The following ZNF790 variants were observed in gnomAD, a reference collection of about 807,000 sequenced individuals.
The protein encoded by ZNF790 is zinc finger protein 790.
A neutral mutation model predicts 12.1 loss-of-function variants in ZNF790; 8 were observed. That is an observed-to-expected ratio of 0.66 (90% CI 0.39 to 1.19). The LOEUF is 1.19. Among genes scored for constraint, ZNF790 ranks in the 50% most tolerant of loss-of-function variants. ZNF790 has a pLI of 0.01. For missense variants in ZNF790, 707 were observed against 752.2 expected, an observed-to-expected ratio of 0.94 and a Z score of 0.70; for synonymous variants, 252 against 244.3, an observed-to-expected ratio of 1.03 and a Z score of -0.29.
intron 1 of ZNF790, among the ~76,000 whole-genome samples, chr19:36,846,424 G>A (rs962148657): frequency 6.6e-6 from 1 of 152,148 alleles, no homozygotes; most frequent in African/African-American, 2.4e-5. Context: ...AATTAGCCGG[G>A]CATGGTGGCA....
At chr19:36,848,887 G>C (rs191606534) in intron 1 of ZNF790, among the ~76,000 whole-genome samples, 1 of 152,080 alleles carries the variant, frequency 6.6e-6, no homozygotes. Context: ...TCTGTCTGCC[G>C]GGTTCAAGCC....
intron 1 of ZNF790, among the ~76,000 whole-genome samples, chr19:36,832,022 A>G (rs1600664430): frequency 6.6e-6 from 1 of 152,166 alleles, no homozygotes. Context: ...CTTCCAATAT[A>G]CTTGTGAAAA....
Position 36,819,986 on chromosome 19 carries a change from C to G in ZNF790, c.358G>C (p.Asp120His). The G allele has an allele frequency of 1.2e-6, 2 of 1,614,054 alleles. No homozygotes were observed. The highest frequency in any genetic ancestry group is 1.3e-5 in the African/African-American group (1 of 75,030). Residue 120 changes from aspartate to histidine, a missense_variant, in exon 5 of 5, where the codon GAC becomes CAC. By Grantham distance (81) the Asp-to-His change is moderately conservative. Coordinates refer to ENST00000356725, the MANE Select transcript of ZNF790 (RefSeq NM_206894.4). ...HSLDCLCFRGDWEGNTQFQTL... is the reference protein window; with the variant it reads ...HSLDCLCFRGHWEGNTQFQTL... Reference sequence around the variant, plus strand: ...TGAAACTGAGTGTTGCCTTCCCAGTCACCTCTAAAACATAAACAGTCAAGG... The same window carrying G: ...TGAAACTGAGTGTTGCCTTCCCAGTGACCTCTAAAACATAAACAGTCAAGG...
intron 1 of ZNF790, among the ~76,000 whole-genome samples, chr19:36,836,665 G>A (rs1358708125): frequency 6.7e-6 from 1 of 148,860 alleles, no homozygotes; most frequent in Non-Finnish European, 1.5e-5. Flanking sequence ...GCTGAGGCAG[G>A]AGAATCCACT....
At chr19:36,823,209 G>A in intron 4 of ZNF790, 76 bp downstream of exon 4, 4 of 1,307,980 alleles carry the variant, frequency 3.1e-6, no homozygotes, top group Admixed American at 1.8e-5. Flanking sequence ...TATTTCAGAG[G>A]TGTTGCTGCC....
intron 1 of ZNF790, among the ~76,000 whole-genome samples, chr19:36,835,620 A>G (rs1221298100): frequency 6.6e-6 from 1 of 152,168 alleles, no homozygotes; most frequent in Non-Finnish European, 1.5e-5. Context: ...AGTGGCTTAA[A>G]ATAATACAAA....
intron 1 of ZNF790, among the ~76,000 whole-genome samples, chr19:36,846,817 T>C (rs1325529927): frequency 6.6e-6 from 1 of 152,212 alleles, no homozygotes; most frequent in Non-Finnish European, 1.5e-5. Flanking sequence ...CTTGATGCTC[T>C]GGCATTTGGG....
intron 1 of ZNF790, among the ~76,000 whole-genome samples, chr19:36,828,546 A>G (rs1324559771): frequency 6.6e-6 from 1 of 152,012 alleles, no homozygotes; most frequent in Non-Finnish European, 1.5e-5. Context: ...GTGCAATCAC[A>G]GTTTACTGTT....
chr19:36,820,140 C>A (rs771415329), intron 4 of ZNF790, 26 bp from the exon 5 acceptor site: 3 of 1,582,214 alleles, frequency 1.9e-6, no homozygotes, highest in Middle Eastern at 3.4e-4. Context: ...GTAAAAACAT[C>A]ATACGGTTGT....
At chr19:36,826,561 G>A (rs1051505697) in intron 1 of ZNF790, among the ~76,000 whole-genome samples, 1 of 145,892 alleles carries the variant, frequency 6.9e-6, no homozygotes, top group Non-Finnish European at 1.5e-5. Flanking sequence ...CCAGCCTGGC[G>A]ACACAGCGAG....
chr19:36,836,301 T>C (rs1177660136), intron 1 of ZNF790, among the ~76,000 whole-genome samples: 2 of 152,092 alleles, frequency 1.3e-5, no homozygotes, highest in Non-Finnish European at 2.9e-5. Flanking sequence ...TAGTCTAAGA[T>C]GAAAGTTTGC....
intron 1 of ZNF790, among the ~76,000 whole-genome samples, chr19:36,827,460 C>A (rs2071852094): frequency 6.6e-6 from 1 of 151,952 alleles, no homozygotes. Context: ...AAAAGTTCAA[C>A]CTGTTTTTGC....
At chr19:36,842,647 A>G, upstream of ZNF790, among the ~76,000 whole-genome samples, 1 of 151,894 alleles carries the variant, frequency 6.6e-6, no homozygotes, top group South Asian at 2.1e-4. Flanking sequence ...GCAGAAAACT[A>G]AAAAATCAGA....
chr19:36,818,612 T>C lies in ZNF790; in HGVS notation c.1732A>G (p.Thr578Ala), dbSNP rs781268623. 1 of 1,611,354 alleles carries C rather than the reference T, an allele frequency of 6.2e-7. No individual in the cohort carries two copies. Among genetic ancestry groups the C allele is most frequent in the Admixed American group, 1.7e-5 (1 of 59,558 alleles). Residue 578 changes from threonine to alanine, a missense_variant, in exon 5 of 5, where the codon ACT becomes GCT. By Grantham distance (58) the Thr-to-Ala change is moderately conservative (BLOSUM62 0). Transcript: ENST00000356725. ...GCACTATTATGAATTTTTTGTTCAG[T>C]AAAATATGAATGGTGACTAAAGATG... ...SHIFSHHSYF[T>A]EQKIHNSANL...
chr19:36,820,502 A>G (rs57090633), intron 4 of ZNF790, among the ~76,000 whole-genome samples: 1 of 152,348 alleles, frequency 6.6e-6, no homozygotes, highest in African/African-American at 2.4e-5. Flanking sequence ...TCAGTCTAAT[A>G]TGAGGGAAGT....
At chr19:36,839,601 A>G (rs1314595082), upstream of ZNF790, among the ~76,000 whole-genome samples, 1 of 152,068 alleles carries the variant, frequency 6.6e-6, no homozygotes, top group Admixed American at 6.5e-5. Context: ...CATGTTGGCC[A>G]GGCTGGTCTC....
chr19:36,822,400 C>T (rs2146022009), intron 4 of ZNF790, among the ~76,000 whole-genome samples: 1 of 152,224 alleles, frequency 6.6e-6, no homozygotes, highest in South Asian at 2.1e-4. Context: ...TGGCACTTAC[C>T]TTTTTGTTAC....
chr19:36,835,881 G>T (rs2072034802), intron 1 of ZNF790, among the ~76,000 whole-genome samples: 1 of 151,674 alleles, frequency 6.6e-6, no homozygotes, highest in Non-Finnish European at 1.5e-5. Context: ...GCCAGGAAAG[G>T]TTCACTGACT....
At position 36,818,618 on chromosome 19, in the gene ZNF790, A is replaced by G. The variant is rs745887858; in HGVS notation, c.1726T>C (p.Tyr576His). The G allele has an allele frequency of 1.2e-6, 2 of 1,611,524 alleles. No individual in the cohort carries two copies. The highest frequency in any genetic ancestry group is 2.2e-5 in the East Asian group (1 of 44,832). Residue 576 changes from tyrosine (Y) to histidine (H), a missense_variant, in exon 5 of 5, where the codon TAT becomes CAT. Transcript: ENST00000356725. The part of the protein sequence containing the change: ...KSSHIFSHHS[Y>H]FTEQKIHNSA... ...TTATGAATTTTTTGTTCAGTAAAAT[A>G]TGAATGGTGACTAAAGATGTGGCTA...
Sources: allele counts gnomAD v4.1 joint callset (sites outside exome capture counted in the v4.1 genomes callset), GRCh38; gene constraint gnomAD v4.1.1; transcripts MANE v1.5; gene names NCBI Gene and HGNC (gene_info 2026-07-23, HGNC 2026-07-21).